CTNNA2: variants seen among roughly 807,000 people sequenced by gnomAD.
CTNNA2 encodes the protein catenin alpha 2.
A neutral mutation model predicts 101.0 loss-of-function variants in CTNNA2; 42 were observed. That is an observed-to-expected ratio of 0.42 (90% CI 0.32 to 0.54). The LOEUF (loss-of-function observed/expected upper bound fraction) is 0.54, where lower values mean the gene tolerates loss of function less well. CTNNA2 is among the 20% of genes least tolerant of loss of function. The probability of loss-of-function intolerance (pLI) is 0.14; values close to 1 mark genes in which losing one functional copy is unlikely to be tolerated. For synonymous variants in CTNNA2, 450 were observed against 456.4 expected, an observed-to-expected ratio of 0.99 and a Z score of 0.18; for missense variants, 871 against 1,223.1, an observed-to-expected ratio of 0.71 and a Z score of 4.29.
intron 7 of CTNNA2, among the ~76,000 whole-genome samples, chr2:80,090,146 C>CTCTCTGTGTGTG (rs1200774264): frequency 2.8e-5 from 4 of 140,626 alleles, no homozygotes; most frequent in African/African-American, 1.0e-4. Context: ...CTCTCTCTCT[C>CTCTCTGTGTGTG]TGTGTGTGTG....
intron 9 of CTNNA2, among the ~76,000 whole-genome samples, chr2:80,517,172 A>T (rs744957): frequency 6.6e-6 from 1 of 152,186 alleles, no homozygotes; most frequent in Admixed American, 6.5e-5. Context: ...ATGGGAGAGC[A>T]TAAGTGTGCT....
chr2:79,663,513 T>G (rs1682184941), intron 2 of CTNNA2, among the ~76,000 whole-genome samples: 1 of 152,222 alleles, frequency 6.6e-6, no homozygotes, highest in Admixed American at 6.5e-5. Context: ...TCAGGATTTT[T>G]GTGCATGCTG....
intron 4 of CTNNA2, among the ~76,000 whole-genome samples, chr2:79,381,020 C>T (rs1678032652): frequency 6.6e-6 from 1 of 152,120 alleles, no homozygotes; most frequent in South Asian, 2.1e-4. Context: ...TCGTTGATCC[C>T]TACAGGATGA....
chr2:79,840,034 A>T (rs565298836), intron 3 of CTNNA2, among the ~76,000 whole-genome samples: 2 of 152,322 alleles, frequency 1.3e-5, no homozygotes, highest in East Asian at 1.9e-4. Context: ...TAAATAATTT[A>T]TCTGCTCCAT....
intron 3 of CTNNA2, among the ~76,000 whole-genome samples, chr2:79,351,050 T>C (rs1274758411): frequency 6.6e-6 from 1 of 152,204 alleles, no homozygotes; most frequent in Admixed American, 6.5e-5. Context: ...TTGTCTGAGA[T>C]AATTTGTAAA....
chr2:79,722,543 C>T (rs1686557169), intron 2 of CTNNA2, among the ~76,000 whole-genome samples: 2 of 152,170 alleles, frequency 1.3e-5, no homozygotes, highest in South Asian at 2.1e-4. Context: ...GATTATCTAA[C>T]CCAACTCCTG....
intron 7 of CTNNA2, among the ~76,000 whole-genome samples, chr2:80,189,689 G>A (rs1187670164): frequency 6.6e-6 from 1 of 152,096 alleles, no homozygotes; most frequent in Non-Finnish European, 1.5e-5. Context: ...CCGCCTATGT[G>A]GCGTTGTTCC....
At chr2:80,192,901 T>C (rs930348820) in intron 7 of CTNNA2, among the ~76,000 whole-genome samples, 1 of 152,190 alleles carries the variant, frequency 6.6e-6, no homozygotes, top group African/African-American at 2.4e-5. Context: ...AGTCCCACCA[T>C]ACTGAGAATG....
intron 18 of CTNNA2, among the ~76,000 whole-genome samples, chr2:80,631,918 A>T (rs1051522935): frequency 5.9e-5 from 9 of 152,190 alleles, no homozygotes; most frequent in African/African-American, 2.2e-4. Flanking sequence ...TGATAGTAGC[A>T]TATAGGAGAG....
In CTNNA2 at chr2:79,501,507, C is replaced by T. The variant is rs541556096; in HGVS notation, c.-134-3547C>T. On this transcript the variant is annotated intron_variant, in intron 4 of 21. Transcript: ENST00000466387. ...TAAAGTGGTCAATGCATTCAACTGC[C>T]GTAATAGTGATGATGACTACTAAAG... Among the ~76,000 whole-genome samples, 9 of 152,162 alleles carry T rather than the reference C, an allele frequency of 5.9e-5. No individual in the cohort carries two copies. In the East Asian group the frequency reaches 7.7e-4, roughly 13 times the overall value.
intron 9 of CTNNA2, among the ~76,000 whole-genome samples, chr2:80,499,727 A>G (rs1044532751): frequency 5.3e-5 from 8 of 152,116 alleles, no homozygotes; most frequent in Non-Finnish European, 7.3e-5. Context: ...AGACTGAGGC[A>G]GGAGAATTGC....
chr2:80,179,185 T>A (rs967350679), intron 7 of CTNNA2, among the ~76,000 whole-genome samples: 3 of 152,170 alleles, frequency 2.0e-5, no homozygotes, highest in Admixed American at 6.5e-5. Context: ...TACCAAGAGA[T>A]GTGTTAATTT....
chr2:80,200,563 T>G (rs111695054), intron 7 of CTNNA2, among the ~76,000 whole-genome samples: 1 of 151,948 alleles, frequency 6.6e-6, no homozygotes, highest in Admixed American at 6.6e-5. Flanking sequence ...TGAGATGGAG[T>G]CTCACTGTAT....
At chr2:80,578,992 T>G (rs944664568) in intron 13 of CTNNA2, 1 of 152,170 alleles carries the variant, frequency 6.6e-6, no homozygotes, top group Non-Finnish European at 1.5e-5. Context: ...TAAAGCATTT[T>G]CCTATACATC....
chr2:80,427,332 C>G (rs1294099452), intron 9 of CTNNA2, among the ~76,000 whole-genome samples: 2 of 152,146 alleles, frequency 1.3e-5, no homozygotes, highest in Non-Finnish European at 2.9e-5. Flanking sequence ...TGAAGAAATA[C>G]TATTTGTACC....
intron 7 of CTNNA2, among the ~76,000 whole-genome samples, chr2:80,232,812 A>G (rs1208848588): frequency 6.6e-6 from 1 of 151,956 alleles, no homozygotes; most frequent in African/African-American, 2.4e-5. Flanking sequence ...ACTTCCTATA[A>G]CCAAACAACC....
chr2:79,788,786 C>A (rs1675044610), intron 3 of CTNNA2, among the ~76,000 whole-genome samples: 1 of 152,182 alleles, frequency 6.6e-6, no homozygotes, highest in African/African-American at 2.4e-5. Flanking sequence ...ACAGATATTG[C>A]TTCCATTTCA....
intron 4 of CTNNA2, among the ~76,000 whole-genome samples, chr2:79,452,487 T>C (rs1670767556): frequency 6.6e-6 from 1 of 151,998 alleles, no homozygotes; most frequent in Non-Finnish European, 1.5e-5. Context: ...ACTTCTGTAA[T>C]AAAAATAATT....
intron 2 of CTNNA2, among the ~76,000 whole-genome samples, chr2:79,230,403 G>T (rs1216006947): frequency 6.6e-6 from 1 of 152,184 alleles, no homozygotes; most frequent in Non-Finnish European, 1.5e-5. Flanking sequence ...CCAGACCTTG[G>T]CAGCTTACAC....
Sources: allele counts gnomAD v4.1 joint callset (sites outside exome capture counted in the v4.1 genomes callset), GRCh38; gene constraint gnomAD v4.1.1; transcripts MANE v1.5; gene names NCBI Gene and HGNC (gene_info 2026-07-23, HGNC 2026-07-21).